AK5: variants seen among roughly 807,000 people sequenced by gnomAD.
The protein encoded by AK5 is adenylate kinase 5.
Under a neutral mutation model 69.5 loss-of-function variants are expected in AK5, and 27 were observed. The observed-to-expected ratio is 0.39, with a 90% CI of 0.29 to 0.54. The LOEUF is 0.54. AK5 is among the 20% of genes least tolerant of loss of function. AK5 has a pLI of 0.71. For synonymous variants in AK5, 260 were observed against 244.4 expected (o/e 1.06, Z -0.60); for missense variants, 531 against 700.4 (o/e 0.76, Z 2.73).
chr1:77,438,140 A>C (rs2100627985), intron 8 of AK5, among the ~76,000 whole-genome samples: 1 of 152,106 alleles, frequency 6.6e-6, no homozygotes, highest in Non-Finnish European at 1.5e-5. Flanking sequence ...CTCTTTAAAA[A>C]ACTTGTAAGT....
intron 8 of AK5, among the ~76,000 whole-genome samples, chr1:77,426,446 G>A (rs750044275): frequency 6.6e-6 from 1 of 152,300 alleles, no homozygotes; most frequent in Non-Finnish European, 1.5e-5. Context: ...TTCTTAATGT[G>A]TATGTGCCTA....
At position 77,471,372 on chromosome 1, in the gene AK5, T is replaced by C. The variant is rs76639672; in HGVS notation, c.1060-11945T>C. ...CTGCTGTGGTAAGCAAATTAAATAA[T>C]ACAAAGTAAATGTAGTTATTGTTAT... On this transcript the variant is annotated intron_variant, in intron 8 of 13. Coordinates refer to ENST00000354567, the MANE Select transcript of AK5 (RefSeq NM_174858.3). 5.5e-3 allele frequency among the ~76,000 whole-genome samples: 842 copies of C among 152,304 alleles called. 9 individuals are homozygous for C. Among genetic ancestry groups the C allele is most frequent in the African/African-American group, 0.019 (807 of 41,562 alleles).
intron 6 of AK5, among the ~76,000 whole-genome samples, chr1:77,386,687 G>A (rs562945644): frequency 6.6e-6 from 1 of 152,278 alleles, no homozygotes; most frequent in East Asian, 1.9e-4. Flanking sequence ...TGTTACATAT[G>A]TATAATGTGT....
At position 77,518,632 on chromosome 1, in the gene AK5, T is replaced by G; in HGVS notation, c.1216T>G (p.Ser406Ala). 1 of 1,614,214 alleles carries G rather than the reference T, an allele frequency of 6.2e-7. No homozygotes were observed. The highest frequency in any genetic ancestry group is 1.1e-5 in the South Asian group (1 of 91,084). The change falls in exon 11 of 14, where the codon TCA becomes GCA. Residue 406 changes from serine (S) to alanine (A), a missense_variant. By Grantham distance (99) the Ser-to-Ala change is moderately conservative (BLOSUM62 1). Coordinates refer to ENST00000354567, the MANE Select transcript of AK5 (RefSeq NM_174858.3). ...GGAAAAATATGGATTTACACATCTC[T>G]CAACTGGCGAGCTCCTGCGTGAGGA... is the stretch of plus-strand genomic sequence containing the variant. ...LVEKYGFTHL[S>A]TGELLREELA... is the part of the protein sequence containing the mutation.
chr1:77,446,507 T>C (rs1354284945), intron 8 of AK5, among the ~76,000 whole-genome samples: 1 of 152,214 alleles, frequency 6.6e-6, no homozygotes, highest in African/African-American at 2.4e-5. Flanking sequence ...AATATATATA[T>C]TGCTTTAGGT....
At chr1:77,311,095 C>T (rs1410135695) in intron 5 of AK5, among the ~76,000 whole-genome samples, 6 of 152,092 alleles carry the variant, frequency 3.9e-5, no homozygotes, top group Non-Finnish European at 7.3e-5. Context: ...TTTCTGTTCT[C>T]TTTACGGCAC....
At chr1:77,382,532 T>C (rs772581685) in intron 6 of AK5, among the ~76,000 whole-genome samples, 5 of 152,188 alleles carry the variant, frequency 3.3e-5, no homozygotes, top group Non-Finnish European at 7.3e-5. Context: ...TAATTTTTTA[T>C]AGAGAGAGGA....
intron 13 of AK5, among the ~76,000 whole-genome samples, chr1:77,537,464 A>T (rs576534348): frequency 2.0e-5 from 3 of 152,324 alleles, no homozygotes; most frequent in African/African-American, 7.2e-5. Flanking sequence ...AGCTCAATCC[A>T]TCATCCTTAT....
At chr1:77,390,011 G>T (rs1177221819) in intron 6 of AK5, among the ~76,000 whole-genome samples, 1 of 152,088 alleles carries the variant, frequency 6.6e-6, no homozygotes, top group Admixed American at 6.5e-5. Context: ...TTTCATGGCA[G>T]GCAGACTTCA....
intron 1 of AK5, chr1:77,283,631 C>G (rs1338452833): frequency 3.0e-6 from 3 of 985,208 alleles, no homozygotes; most frequent in African/African-American, 3.5e-5. Context: ...TCACTGAACT[C>G]AAGCGTGGTA....
intron 8 of AK5, among the ~76,000 whole-genome samples, chr1:77,447,835 G>A (rs1449897580): frequency 6.6e-6 from 1 of 152,172 alleles, no homozygotes; most frequent in Non-Finnish European, 1.5e-5. Context: ...CAAAAGGATT[G>A]GGTAGTATGC....
intron 5 of AK5, among the ~76,000 whole-genome samples, chr1:77,339,644 CTTTTTT>C (rs34298832): frequency 1.6e-5 from 2 of 123,154 alleles, no homozygotes; most frequent in Admixed American, 8.3e-5. Context: ...TTAGCAATAT[CTTTTTT>C]TTTTTTTTTT....
chr1:77,288,855 C>T (rs74885705), intron 2 of AK5, among the ~76,000 whole-genome samples: 2 of 152,114 alleles, frequency 1.3e-5, no homozygotes, highest in South Asian at 2.1e-4. Context: ...TTAACCTACA[C>T]GGTCTCTCAC....
intron 5 of AK5, among the ~76,000 whole-genome samples, chr1:77,302,417 T>G (rs1188056109): frequency 6.6e-6 from 1 of 152,182 alleles, no homozygotes; most frequent in Non-Finnish European, 1.5e-5. Flanking sequence ...CTTTTTCTGT[T>G]CATTTTTATA....
chr1:77,457,319 T>G (rs1242325932), intron 8 of AK5, among the ~76,000 whole-genome samples: 2 of 152,194 alleles, frequency 1.3e-5, no homozygotes, highest in African/African-American at 2.4e-5. Flanking sequence ...ATTTTACAGT[T>G]GGTTTTTATT....
chr1:77,364,658 T>C (rs371992734), intron 6 of AK5, among the ~76,000 whole-genome samples: 6 of 152,346 alleles, frequency 3.9e-5, no homozygotes, highest in African/African-American at 1.2e-4. Context: ...TTACTTAACA[T>C]AACGTCCTTC....
intron 12 of AK5, among the ~76,000 whole-genome samples, chr1:77,525,063 C>T (rs914541124): frequency 3.9e-5 from 6 of 152,162 alleles, no homozygotes; most frequent in African/African-American, 9.7e-5. Context: ...CATGCCACCA[C>T]GCCTGGCTAA....
chr1:77,435,825 A>G, intron 8 of AK5, among the ~76,000 whole-genome samples: 1 of 152,220 alleles, frequency 6.6e-6, no homozygotes, highest in South Asian at 2.1e-4. Context: ...GTTTTAACTT[A>G]TAAACTAAGT....
In AK5 at chr1:77,421,981, T is replaced by C. The variant is rs1181105319; in HGVS notation, c.1059+4266T>C. On this transcript the variant is annotated intron_variant, in intron 8 of 13. Coordinates refer to ENST00000354567, the MANE Select transcript of AK5 (RefSeq NM_174858.3). Reference sequence around the variant, plus strand: ...TAAGTAACACCAGTTGGATTTCCCATGTGCATCTTGAATTCAACATGTCCA... The same window carrying C: ...TAAGTAACACCAGTTGGATTTCCCACGTGCATCTTGAATTCAACATGTCCA... 3.3e-5 allele frequency among the ~76,000 whole-genome samples: 5 copies of C among 152,224 alleles called. 1 individual carries two copies. The highest frequency in any genetic ancestry group is 7.2e-5 in the African/African-American group (3 of 41,470).
Sources: gnomAD v4.1 joint callset for allele counts (sites outside exome capture counted in the v4.1 genomes callset) on GRCh38, gnomAD v4.1.1 for gene constraint, MANE v1.5 for transcripts, NCBI Gene and HGNC (gene_info 2026-07-23, HGNC 2026-07-21) for gene names.